Variants in PPP3CA observed in about 807,000 individuals in gnomAD.
PPP3CA encodes protein phosphatase 3 catalytic subunit alpha.
A neutral mutation model predicts 66.5 loss-of-function variants in PPP3CA; 14 were observed. That is an observed-to-expected ratio of 0.21 (90% CI 0.14 to 0.33). PPP3CA has a LOEUF of 0.33. Among genes scored for constraint, PPP3CA ranks in the 10% least tolerant of loss-of-function variants. The probability of loss-of-function intolerance (pLI) is 1.00; values close to 1 mark genes in which losing one functional copy is unlikely to be tolerated. For synonymous variants in PPP3CA, 232 were observed against 226.2 expected (o/e 1.03, Z -0.23); for missense variants, 317 against 639.5 (o/e 0.50, Z 5.44).
At chr4:101,058,759 G>T (rs757629654) in intron 10 of PPP3CA, among the ~76,000 whole-genome samples, 1 of 152,110 alleles carries the variant, frequency 6.6e-6, no homozygotes, top group African/African-American at 2.4e-5. Flanking sequence ...GTAAGCACAG[G>T]GTTAGTCTTG....
At chr4:101,151,877 T>G (rs1723153860) in intron 2 of PPP3CA, among the ~76,000 whole-genome samples, 1 of 151,908 alleles carries the variant, frequency 6.6e-6, no homozygotes, top group South Asian at 2.1e-4. Flanking sequence ...AGGATGATCT[T>G]GATCTCCTGA....
chr4:101,121,684 T>A (rs1429464470), intron 2 of PPP3CA, among the ~76,000 whole-genome samples: 1 of 152,130 alleles, frequency 6.6e-6, no homozygotes, highest in Non-Finnish European at 1.5e-5. Context: ...TTAAAAAAAA[T>A]AGTCATTATT....
chr4:101,129,641 T>C (rs1324657470), intron 2 of PPP3CA, among the ~76,000 whole-genome samples: 1 of 152,180 alleles, frequency 6.6e-6, no homozygotes, highest in African/African-American at 2.4e-5. Flanking sequence ...CCAGCAGACC[T>C]GCAGCAGAGG....
At chr4:101,155,524 T>G (rs1723290505) in intron 2 of PPP3CA, among the ~76,000 whole-genome samples, 2 of 152,200 alleles carry the variant, frequency 1.3e-5, no homozygotes, top group Non-Finnish European at 2.9e-5. Flanking sequence ...GAAAGCAGTA[T>G]GACTCAGAGG....
intron 1 of PPP3CA, among the ~76,000 whole-genome samples, chr4:101,264,862 C>G (rs1390847790): frequency 1.3e-5 from 2 of 151,954 alleles, no homozygotes; most frequent in African/African-American, 4.8e-5. Flanking sequence ...TGATATATGC[C>G]CTTATTAAAG....
intron 2 of PPP3CA, among the ~76,000 whole-genome samples, chr4:101,188,256 T>C (rs1467217045): frequency 1.3e-5 from 2 of 152,060 alleles, no homozygotes; most frequent in Non-Finnish European, 2.9e-5. Flanking sequence ...TGAAATAAAA[T>C]GGTGATCTTG....
chr4:101,267,277 C>T (rs902918960), intron 1 of PPP3CA, among the ~76,000 whole-genome samples: 2 of 152,004 alleles, frequency 1.3e-5, no homozygotes, highest in Admixed American at 6.6e-5. Flanking sequence ...ATTCAATTTC[C>T]ACAGAATCAA....
chr4:101,199,898 T>G, intron 1 of PPP3CA, among the ~76,000 whole-genome samples: 1 of 152,214 alleles, frequency 6.6e-6, no homozygotes, highest in East Asian at 1.9e-4. Flanking sequence ...TAACTATTAT[T>G]AAAGCTGTTG....
chr4:101,295,513 T>C (rs1331310514), intron 1 of PPP3CA, among the ~76,000 whole-genome samples: 2 of 152,196 alleles, frequency 1.3e-5, no homozygotes, highest in African/African-American at 4.8e-5. Context: ...TAACATTTTC[T>C]TAACCTTCTT....
intron 2 of PPP3CA, among the ~76,000 whole-genome samples, chr4:101,124,207 A>C (rs1398067976): frequency 1.3e-5 from 2 of 152,218 alleles, no homozygotes; most frequent in African/African-American, 4.8e-5. Flanking sequence ...GTAGATGTAA[A>C]GTGCAAGCAA....
At chr4:101,335,001 G>GCAGCTC (rs915736314) in intron 1 of PPP3CA, among the ~76,000 whole-genome samples, 12 of 152,140 alleles carry the variant, frequency 7.9e-5, no homozygotes, top group Non-Finnish European at 1.6e-4. Flanking sequence ...CATGACAGTT[G>GCAGCTC]CAGCTCCATC....
chr4:101,252,125 A>G (rs1472866349), intron 1 of PPP3CA, among the ~76,000 whole-genome samples: 1 of 152,218 alleles, frequency 6.6e-6, no homozygotes, highest in Non-Finnish European at 1.5e-5. Context: ...AGATAAAGAA[A>G]GCGAGGTTTG....
At chr4:101,132,861 G>A (rs1235346292) in intron 2 of PPP3CA, among the ~76,000 whole-genome samples, 2 of 152,136 alleles carry the variant, frequency 1.3e-5, no homozygotes, top group Admixed American at 1.3e-4. Context: ...TAAAATACTG[G>A]CAAACTGAAT....
chr4:101,345,340 G>A (rs1008963000), intron 1 of PPP3CA, among the ~76,000 whole-genome samples: 1 of 152,118 alleles, frequency 6.6e-6, no homozygotes, highest in Non-Finnish European at 1.5e-5. Context: ...AACCCCAGAG[G>A]GACTTGTGTA....
At chr4:101,303,618 T>C (rs867120508) in intron 1 of PPP3CA, among the ~76,000 whole-genome samples, 1 of 152,202 alleles carries the variant, frequency 6.6e-6, no homozygotes, top group African/African-American at 2.4e-5. Flanking sequence ...TCTTTAACAA[T>C]TAACTTATAT....
chr4:101,075,407 G>A (rs916450594), intron 8 of PPP3CA, among the ~76,000 whole-genome samples: 3 of 152,104 alleles, frequency 2.0e-5, no homozygotes, highest in African/African-American at 7.2e-5. Flanking sequence ...TTTACTGTCA[G>A]TAGTGTGTAC....
chr4:101,238,904 T>TA (rs1726212548), intron 1 of PPP3CA, among the ~76,000 whole-genome samples: 1 of 152,124 alleles, frequency 6.6e-6, no homozygotes, highest in Non-Finnish European at 1.5e-5. Context: ...TGATGACTCA[T>TA]AATTATTTTT....
At chr4:101,054,773 T>C (rs1728158404) in intron 10 of PPP3CA, among the ~76,000 whole-genome samples, 1 of 152,042 alleles carries the variant, frequency 6.6e-6, no homozygotes, top group Admixed American at 6.6e-5. Context: ...CATAGAGGCA[T>C]GCAAAAAGCT....
intron 1 of PPP3CA, among the ~76,000 whole-genome samples, chr4:101,283,255 A>G: frequency 6.6e-6 from 1 of 152,212 alleles, no homozygotes; most frequent in East Asian, 1.9e-4. Flanking sequence ...GCAAGTATCT[A>G]TCCCTAATGT....
Sources: allele counts gnomAD v4.1 joint callset (sites outside exome capture counted in the v4.1 genomes callset), GRCh38; gene constraint gnomAD v4.1.1; transcripts MANE v1.5; gene names NCBI Gene and HGNC (gene_info 2026-07-23, HGNC 2026-07-21).